Variants in DACH2 observed in about 807,000 individuals in gnomAD.
DACH2 encodes dachshund family transcription factor 2, also known as dachshund homolog 2.
In DACH2, 17 loss-of-function variants were observed where a neutral mutation model predicts 35.8. The observed-to-expected ratio is 0.48, with a 90% CI of 0.33 to 0.71. DACH2 has a LOEUF of 0.71. Ranked by LOEUF, DACH2 falls within the 30% of genes least tolerant of loss-of-function variation. DACH2 has a pLI of 0.02. For synonymous variants in DACH2, 195 were observed against 177.3 expected (o/e 1.10, Z -0.79); for missense variants, 469 against 472.7 (o/e 0.99, Z 0.07).
rs376164356 is a variant in DACH2 at position 86,682,857 on chromosome X, T to A, written c.773-12164T>A. ...TTTTATTTTTCATTAAAAAACTGTA[T>A]TTCCTTATCCTTTTTTTCCATATAG... On this transcript the variant is annotated intron_variant, in intron 4 of 11. Coordinates refer to ENST00000373125, the MANE Select transcript of DACH2 (RefSeq NM_053281.3). Among the ~76,000 whole-genome samples the A allele has an allele frequency of 1.1e-4, 12 of 111,864 alleles. No homozygotes were observed. The East Asian group carries it at 3.1e-3, about 29-fold the overall frequency.
At chrX:86,218,372 A>G (rs930320714) in intron 1 of DACH2, among the ~76,000 whole-genome samples, 3 of 111,989 alleles carry the variant, frequency 2.7e-5, no homozygotes, top group Non-Finnish European at 5.6e-5. Flanking sequence ...CTCCTCAAAA[A>G]TAGCTATTAA....
At chrX:86,313,941 A>T (rs770966758) in intron 1 of DACH2, among the ~76,000 whole-genome samples, 7 of 111,917 alleles carry the variant, frequency 6.3e-5, no homozygotes, top group Non-Finnish European at 1.3e-4. Context: ...TGGTTTCATT[A>T]TTATTACATC....
At chrX:86,370,873 C>T (rs1490133879) in intron 1 of DACH2, among the ~76,000 whole-genome samples, 2 of 111,155 alleles carry the variant, frequency 1.8e-5, no homozygotes, top group African/African-American at 6.5e-5. Flanking sequence ...TAATGGGCAT[C>T]ATGCTTGATG....
At chrX:86,636,682 A>G (rs2040269878) in intron 3 of DACH2, among the ~76,000 whole-genome samples, 1 of 111,171 alleles carries the variant, frequency 9.0e-6, no homozygotes, top group Non-Finnish European at 1.9e-5. Flanking sequence ...ACTGTACCCC[A>G]TTCTTACATC....
chrX:86,628,648 C>T (rs1240989664), intron 3 of DACH2, among the ~76,000 whole-genome samples: 1 of 112,359 alleles, frequency 8.9e-6, no homozygotes, highest in Non-Finnish European at 1.9e-5. Context: ...ATATTTAAAA[C>T]ACAAAATATC....
rs1272731952 is a variant in DACH2, at chrX:86,253,609, A to G, written c.488+104501A>G. On this transcript the variant is annotated intron_variant, in intron 1 of 11. Transcript: ENST00000373125. ...ACAGAAGGCCTAAATAATGATTTTT[A>G]TGTCTTCAGGTCAGAAATTCTAGGG... Among the ~76,000 whole-genome samples the G allele has an allele frequency of 7.1e-5, 8 of 111,946 alleles. No individual in the cohort carries two copies. The Admixed American group carries it at 7.6e-4, about 11-fold the overall frequency.
chrX:86,166,561 C>A (rs2030951142), intron 1 of DACH2, among the ~76,000 whole-genome samples: 1 of 110,967 alleles, frequency 9.0e-6, no homozygotes, highest in Admixed American at 9.6e-5. Context: ...TTATATTTTT[C>A]TCTTGTCTGA....
chrX:86,711,071 A>T (rs1044658768), intron 5 of DACH2, among the ~76,000 whole-genome samples: 6 of 112,313 alleles, frequency 5.3e-5, no homozygotes, highest in African/African-American at 1.9e-4. Context: ...AAATACCAAG[A>T]TGCATTAGAA....
At chrX:86,330,548 T>G (rs2035194125) in intron 1 of DACH2, among the ~76,000 whole-genome samples, 1 of 111,649 alleles carries the variant, frequency 9.0e-6, no homozygotes, top group Non-Finnish European at 1.9e-5. Context: ...TCTTACTGTC[T>G]TAGAATGTGC....
At chrX:86,228,022 G>A (rs1363564959) in intron 1 of DACH2, among the ~76,000 whole-genome samples, 1 of 109,910 alleles carries the variant, frequency 9.1e-6, no homozygotes, top group Non-Finnish European at 1.9e-5. Flanking sequence ...GGTTACATGA[G>A]TAAGTTCTTT....
At chrX:86,749,567 C>T (rs925449889) in intron 7 of DACH2, among the ~76,000 whole-genome samples, 1 of 110,947 alleles carries the variant, frequency 9.0e-6, no homozygotes, top group Non-Finnish European at 1.9e-5. Flanking sequence ...AGGAGCAGTG[C>T]ATGGAGTCCC....
intron 2 of DACH2, among the ~76,000 whole-genome samples, chrX:86,396,374 C>T (rs1365070527): frequency 1.5e-4 from 14 of 94,492 alleles, no homozygotes; most frequent in African/African-American, 5.6e-4. Context: ...TTTTGCTGTG[C>T]AGAAGCTCTT....
chrX:86,296,405 A>G, intron 1 of DACH2, among the ~76,000 whole-genome samples: 1 of 91,166 alleles, frequency 1.1e-5, no homozygotes, highest in Admixed American at 1.3e-4. Context: ...AAAAAAAAAA[A>G]AAAAAGAAAT....
intron 2 of DACH2, among the ~76,000 whole-genome samples, chrX:86,425,147 G>T (rs1158861914): frequency 9.0e-6 from 1 of 110,578 alleles, no homozygotes; most frequent in Non-Finnish European, 1.9e-5. Flanking sequence ...TTTTTTGTGT[G>T]TGTGTCTTTA....
intron 1 of DACH2, among the ~76,000 whole-genome samples, chrX:86,167,065 G>A (rs1030342093): frequency 9.0e-6 from 1 of 111,065 alleles, no homozygotes; most frequent in African/African-American, 3.3e-5. Context: ...GGTTAATACT[G>A]GCCTCATAAA....
chrX:86,225,038 G>A (rs761666112), intron 1 of DACH2, among the ~76,000 whole-genome samples: 12 of 111,333 alleles, frequency 1.1e-4, no homozygotes, highest in African/African-American at 1.6e-4. Context: ...ATTTATTTGC[G>A]AGCCCTGGCA....
At chrX:86,578,946 T>C (rs1311737975) in intron 3 of DACH2, among the ~76,000 whole-genome samples, 1 of 111,964 alleles carries the variant, frequency 8.9e-6, no homozygotes, top group East Asian at 2.8e-4. Context: ...TTTTAGCCAT[T>C]CTAACAGATA....
chrX:86,598,187 C>T (rs781747185), intron 3 of DACH2, among the ~76,000 whole-genome samples: 2 of 111,761 alleles, frequency 1.8e-5, no homozygotes, highest in Admixed American at 1.9e-4. Context: ...CACAGCCAAA[C>T]CATATCATGT....
intron 2 of DACH2, among the ~76,000 whole-genome samples, chrX:86,442,052 G>C: frequency 9.1e-6 from 1 of 109,460 alleles, no homozygotes; most frequent in East Asian, 2.9e-4. Flanking sequence ...TTTTTTTGTG[G>C]AGATGGGAAT....
Sources: gnomAD v4.1 joint callset for allele counts (sites outside exome capture counted in the v4.1 genomes callset) on GRCh38, gnomAD v4.1.1 for gene constraint, MANE v1.5 for transcripts, NCBI Gene and HGNC (gene_info 2026-07-23, HGNC 2026-07-21) for gene names.